Variants in IMPDH2 observed in about 807,000 individuals in gnomAD.
IMPDH2 encodes inosine monophosphate dehydrogenase 2, also known as inosine-5'-monophosphate dehydrogenase 2.
A neutral mutation model predicts 57.8 loss-of-function variants in IMPDH2; 33 were observed. The ratio of observed to expected loss-of-function variants is 0.57; its 90% CI spans 0.43 to 0.76. The LOEUF (loss-of-function observed/expected upper bound fraction) is 0.76, where lower values mean the gene tolerates loss of function less well. IMPDH2 is among the 30% of genes least tolerant of loss of function. The pLI, the probability that IMPDH2 is intolerant of heterozygous loss-of-function variation, is 0.00. For synonymous variants in IMPDH2, 270 were observed against 241.3 expected (o/e 1.12, Z -1.10); for missense variants, 446 against 659.1 (o/e 0.68, Z 3.54).
In IMPDH2 at chr3:49,025,193, G is replaced by C. The variant is rs1218469710; in HGVS notation, c.1083C>G (p.Val361=). 2.5e-6 allele frequency: 4 copies of C among 1,614,216 alleles called. No individual in the cohort carries two copies. Among genetic ancestry groups the C allele is most frequent in the Non-Finnish European group, 3.4e-6 (4 of 1,180,038 alleles). ...CATTTTGGATTCCTCCATCAGCAATGACCGGAACACCAAAGCGCCGTGCAT... is the reference window on the plus strand; with the variant it reads ...CATTTTGGATTCCTCCATCAGCAATCACCGGAACACCAAAGCGCCGTGCAT... ...SEYARRFGVP[V]IADGGIQNVG... is the part of the protein sequence containing the mutation. Residue 361 remains valine (V), a synonymous_variant, in exon 10 of 14, where the codon GTC becomes GTG. Transcript: ENST00000326739.
intron 11 of IMPDH2, 22 bp from the exon 12 acceptor site, chr3:49,024,824 C>T (rs776814436): frequency 1.0e-4 from 163 of 1,614,062 alleles, no homozygotes; most frequent in Non-Finnish European, 1.3e-4. Flanking sequence ...GGCAGAGACA[C>T]GGGCAAGGTC....
chr3:49,025,057 T>C lies in IMPDH2; in HGVS notation c.1151-17A>G. On this transcript the variant is annotated splice_polypyrimidine_tract_variant and intron_variant, in intron 10 of 13. Coordinates refer to ENST00000326739, the MANE Select transcript of IMPDH2 (RefSeq NM_000884.3). ...CCATCATGACTGCGGACAGATGGAG[T>C]GCTTGGGTTAGAGCCTAAGCAGCAC... 2 of 1,614,010 alleles carry C rather than the reference T, an allele frequency of 1.2e-6. No individual in the cohort carries two copies. The highest frequency in any genetic ancestry group is 1.7e-6 in the Non-Finnish European group (2 of 1,179,986).
At position 49,029,242 on chromosome 3, in the gene IMPDH2, T is replaced by A; in HGVS notation, c.98+11A>T. ...CCTCTCTTCGCCCAGGTGAGCCCCA[T>A]AGGCCCGCACTTGTAGGTGAGGCCG... On this transcript the variant is annotated intron_variant, in intron 1 of 13. Coordinates refer to ENST00000326739, the MANE Select transcript of IMPDH2 (RefSeq NM_000884.3). 2 of 1,586,906 alleles carry A rather than the reference T, an allele frequency of 1.3e-6. No homozygotes were observed. Among genetic ancestry groups the A allele is most frequent in the South Asian group, 2.3e-5 (2 of 87,906 alleles).
intron 1 of IMPDH2, 55 bp from the exon 2 acceptor site, chr3:49,028,861 G>A: frequency 7.2e-7 from 1 of 1,386,318 alleles, no homozygotes; most frequent in South Asian, 1.2e-5. Context: ...GGCAGCATGA[G>A]ACTCCATCCC....
At chr3:49,029,127 G>A in intron 1 of IMPDH2, 126 bp downstream of exon 1, 1 of 758,368 alleles carries the variant, frequency 1.3e-6, no homozygotes, top group Non-Finnish European at 2.3e-6. Flanking sequence ...CCCCGGAGGT[G>A]GGTGGCCAAT....
intron 4 of IMPDH2, 158 bp from the exon 5 acceptor site, chr3:49,028,074 T>C: frequency 2.6e-6 from 2 of 781,196 alleles, no homozygotes; most frequent in South Asian, 1.6e-5. Context: ...CTGGAGGCAC[T>C]GTACACCTGG....
At chr3:49,029,008 C>G in intron 1 of IMPDH2, 1 of 650,216 alleles carries the variant, frequency 1.5e-6, no homozygotes, top group Non-Finnish European at 2.8e-6. Context: ...GCTCCTGGCA[C>G]CCTGACAATT....
Position 49,026,337 on chromosome 3 carries a change from G to A in IMPDH2, c.993C>T (p.Cys331=). 1 of 1,609,992 alleles carries A rather than the reference G, an allele frequency of 6.2e-7. No homozygotes were observed. The highest frequency in any genetic ancestry group is 8.5e-7 in the Non-Finnish European group (1 of 1,177,268). The change falls in exon 9 of 14, where the codon TGC becomes TGT. Residue 331 remains cysteine (C), a synonymous_variant. Transcript: ENST00000326739. The part of the protein sequence containing the change: ...LRVGMGSGSI[C]ITQEVLACGR... Reference sequence around the variant, plus strand: ...GTATATTCTTACCTTCCTGCGTAATGCAGATGGAGCCACTTCCCATGCCCA... The same window carrying A: ...GTATATTCTTACCTTCCTGCGTAATACAGATGGAGCCACTTCCCATGCCCA...
At position 49,024,887 on chromosome 3, in the gene IMPDH2, C is replaced by T. The variant is rs548277687; in HGVS notation, c.1295+9G>A. 3 of 1,614,230 alleles carry T rather than the reference C, an allele frequency of 1.9e-6. No homozygotes were observed. Among genetic ancestry groups the T allele is most frequent in the South Asian group, 2.2e-5 (2 of 91,084 alleles). ...GATTAGGGTGGGGTAACTGGCTTGC[C>T]TGTCCCACCTGAAATATCTGTTCTG... On this transcript the variant is annotated intron_variant, in intron 11 of 13. Transcript: ENST00000326739.
In IMPDH2 at chr3:49,026,874, A is replaced by G. The variant is rs773000788; in HGVS notation, c.632T>C (p.Ile211Thr). 6.2e-7 allele frequency: 1 copy of G among 1,614,202 alleles called. No homozygotes were observed. The highest frequency in any genetic ancestry group is 1.1e-5 in the South Asian group (1 of 91,086). ...LQRSKKGKLP[I>T]VNEDDELVAI... ...CACAAGCTCATCATCTTCATTTACA[A>G]TGGGCAACTTTCCTGTGGTCAGGGC... Residue 211 changes from isoleucine (I) to threonine (T), a missense_variant, in exon 7 of 14, where the codon ATT becomes ACT. Transcript: ENST00000326739.
chr3:49,024,825 G>A (rs72624918), intron 11 of IMPDH2, 23 bp from the exon 12 acceptor site: 19,540 of 1,614,054 alleles, frequency 0.012, 142 homozygotes, highest in Non-Finnish European at 0.015. Context: ...GCAGAGACAC[G>A]GGCAAGGTCA....
intron 1 of IMPDH2, 177 bp from the exon 2 acceptor site, chr3:49,028,983 C>A: frequency 1.5e-6 from 1 of 665,212 alleles, no homozygotes; most frequent in South Asian, 1.7e-5. Flanking sequence ...TTTCTGCCAC[C>A]GAGCTGTCAT....
rs2106794130 is a variant in IMPDH2, at chr3:49,029,397, A to C, written c.-47T>G. 7.6e-7 allele frequency: 1 copy of C among 1,313,890 alleles called. No homozygotes were observed. The highest frequency in any genetic ancestry group is 1.5e-5 in the African/African-American group (1 of 68,888). 81.4% of individuals were successfully genotyped at this position (1,313,890 alleles called of 1,614,324 possible). ...CGTGTCTCCGAGGACCGCGCCGCAG[A>C]GACCTCTGCCGTCTGGGCCGCGCCA... On this transcript the variant is annotated 5_prime_UTR_variant, in exon 1 of 14. Transcript: ENST00000326739.
At position 49,024,888 on chromosome 3, in the gene IMPDH2, T is replaced by G; in HGVS notation, c.1295+8A>C. 1 of 1,614,248 alleles carries G rather than the reference T, an allele frequency of 6.2e-7. No individual in the cohort carries two copies. Among genetic ancestry groups the G allele is most frequent in the Non-Finnish European group, 8.5e-7 (1 of 1,180,038 alleles). The stretch of plus-strand genomic sequence containing the variant: ...ATTAGGGTGGGGTAACTGGCTTGCC[T>G]GTCCCACCTGAAATATCTGTTCTGG... On this transcript the variant is annotated splice_region_variant and intron_variant, in intron 11 of 13. Transcript: ENST00000326739.
In IMPDH2 at chr3:49,029,366, CCGCCGCGTGTCTCCGAGGACCG is replaced by C. The variant is rs1283992428; in HGVS notation, c.-38_-17del. The C allele has an allele frequency of 1.9e-6, 3 of 1,548,526 alleles. No homozygotes were observed. The South Asian group carries it at 3.5e-5, about 18-fold the overall frequency. On this transcript the variant is annotated 5_prime_UTR_variant, in exon 1 of 14. Transcript: ENST00000326739. ...AGTCGGCCATGGCCAACACAGGACA[CCGCCGCGTGTCTCCGAGGACCG>C]CGCCGCAGAGACCTCTGCCGTCTGG...
rs902300236 is a variant in IMPDH2 at position 49,029,100 on chromosome 3, A to G, written c.98+153T>C. ...TTCTCCGTACCCCAAGCACCGCTCC[A>G]GATGTCTCAAAGTGAGCCCCGGAGG... On this transcript the variant is annotated intron_variant, in intron 1 of 13. Coordinates refer to ENST00000326739, the MANE Select transcript of IMPDH2 (RefSeq NM_000884.3). The G allele has an allele frequency of 8.6e-6, 6 of 699,522 alleles. No homozygotes were observed. The African/African-American group carries it at 1.1e-4, about 12-fold the overall frequency. The allele number at this position is 699,522 out of a possible 1,614,324, so 43.3% of individuals were successfully genotyped here.
intron 7 of IMPDH2, 27 bp downstream of exon 7, chr3:49,026,660 C>T (rs1459735756): frequency 6.2e-7 from 1 of 1,613,032 alleles, no homozygotes; most frequent in Admixed American, 1.7e-5. Flanking sequence ...GCCCCTATTG[C>T]CCCAACCCAC....
intron 9 of IMPDH2, 54 bp from the exon 10 acceptor site, chr3:49,025,323 G>A: frequency 6.2e-7 from 1 of 1,602,832 alleles, no homozygotes. Context: ...ACGGGCAGTG[G>A]ACCCTGTGGC....
Position 49,026,893 on chromosome 3 carries a change from T to C in IMPDH2, c.620-7A>G. On this transcript the variant is annotated splice_polypyrimidine_tract_variant and splice_region_variant and intron_variant, in intron 6 of 13. Transcript: ENST00000326739. ...TTTACAATGGGCAACTTTCCTGTGG[T>C]CAGGGCAGGACATGAATCAGGACCC... 1 of 1,614,196 alleles carries C rather than the reference T, an allele frequency of 6.2e-7. No homozygotes were observed. Among genetic ancestry groups the C allele is most frequent in the East Asian group, 2.2e-5 (1 of 44,884 alleles).
Sources: allele counts gnomAD v4.1 joint callset, GRCh38; gene constraint gnomAD v4.1.1; transcripts MANE v1.5; gene names NCBI Gene and HGNC (gene_info 2026-07-23, HGNC 2026-07-21).